SLC15A1: variants seen among roughly 807,000 people sequenced by gnomAD.
SLC15A1 encodes solute carrier family 15 member 1.
SLC15A1 carries 83 observed loss-of-function variants against 92.9 expected under a neutral mutation model. That is an observed-to-expected ratio of 0.89 (90% CI 0.75 to 1.07). The LOEUF is 1.07. Among genes scored for constraint, SLC15A1 ranks in the 50% least tolerant of loss-of-function variants. SLC15A1 has a pLI of 0.00. For synonymous variants in SLC15A1, 322 were observed against 318.2 expected, an observed-to-expected ratio of 1.01 and a Z score of -0.13; for missense variants, 857 against 880.1, an observed-to-expected ratio of 0.97 and a Z score of 0.33.
intron 4 of SLC15A1, among the ~76,000 whole-genome samples, chr13:98,725,324 C>A (rs2088289870): frequency 6.6e-6 from 1 of 152,206 alleles, no homozygotes; most frequent in Non-Finnish European, 1.5e-5. Flanking sequence ...GGAAGAGCCT[C>A]TACTTCCTTC....
chr13:98,693,670 C>T (rs994490442), intron 18 of SLC15A1, among the ~76,000 whole-genome samples: 3 of 152,126 alleles, frequency 2.0e-5, no homozygotes, highest in Non-Finnish European at 4.4e-5. Flanking sequence ...TGTGGGTTGT[C>T]CTTTCAATTC....
chr13:98,737,223 C>A (rs2088402058), intron 1 of SLC15A1, among the ~76,000 whole-genome samples: 1 of 152,196 alleles, frequency 6.6e-6, no homozygotes. Flanking sequence ...AGCCATCATT[C>A]TGAAGCATCT....
chr13:98,731,682 G>A (rs2088352021), intron 1 of SLC15A1, among the ~76,000 whole-genome samples: 1 of 152,134 alleles, frequency 6.6e-6, no homozygotes, highest in African/African-American at 2.4e-5. Context: ...ATTTTTATTT[G>A]CAGGGAAAGA....
chr13:98,693,586 T>C (rs1475162419), intron 18 of SLC15A1, among the ~76,000 whole-genome samples: 1 of 152,234 alleles, frequency 6.6e-6, no homozygotes, highest in African/African-American at 2.4e-5. Flanking sequence ...AGTACTGAGT[T>C]GTGAGAGTTC....
At chr13:98,732,802 G>GT (rs2088361333) in intron 1 of SLC15A1, among the ~76,000 whole-genome samples, 1 of 152,158 alleles carries the variant, frequency 6.6e-6, no homozygotes, top group South Asian at 2.1e-4. Context: ...AAGGAATACT[G>GT]TAAGTTTCAC....
At position 98,686,196 on chromosome 13, in the gene SLC15A1, G is replaced by A; in HGVS notation, c.1929C>T (p.Ser643=). ...VLIVAGAGQF[S]KQWAEYILFA... ...CTCCTCTCCCACGCCATACCTGTTT[G>A]CTGAACTGGCCTGCCCCTGCCACGA... The change falls in exon 22 of 23, where the codon AGC becomes AGT. Residue 643 remains serine, a synonymous_variant. Coordinates refer to ENST00000376503, the MANE Select transcript of SLC15A1 (RefSeq NM_005073.4). 6.2e-7 allele frequency: 1 copy of A among 1,612,294 alleles called. No individual in the cohort carries two copies. Among genetic ancestry groups the A allele is most frequent in the African/African-American group, 1.3e-5 (1 of 74,982 alleles).
In SLC15A1 at chr13:98,712,530, G is replaced by T. The variant is rs779077196; in HGVS notation, c.778C>A (p.His260Asn). 1.9e-5 allele frequency: 30 copies of T among 1,611,368 alleles called. No individual in the cohort carries two copies. In the Admixed American group the frequency reaches 4.2e-4, roughly 23 times the overall value. The change falls in exon 10 of 23, where the codon CAC becomes AAC. Residue 260 changes from histidine (H) to asparagine (N), a missense_variant. Physicochemically the swap from His to Asn is moderately conservative, Grantham distance 68. Coordinates refer to ENST00000376503, the MANE Select transcript of SLC15A1 (RefSeq NM_005073.4). ...TTCTCTTTAGCCCAGTCCAGCCAGT[G>T]CTCCCTCTTGGGAAATGCCTTACTC... is the stretch of plus-strand genomic sequence containing the variant. ...HRSKAFPKRE[H>N]WLDWAKEKYD... is the part of the protein sequence containing the mutation.
At chr13:98,718,229 C>T (rs865824186) in intron 8 of SLC15A1, among the ~76,000 whole-genome samples, 11 of 148,170 alleles carry the variant, frequency 7.4e-5, no homozygotes, top group Admixed American at 2.0e-4. Context: ...GTTATAGATA[C>T]GTACATGTTG....
chr13:98,739,530 T>C (rs1169476184), intron 1 of SLC15A1, among the ~76,000 whole-genome samples: 1 of 152,102 alleles, frequency 6.6e-6, no homozygotes, highest in Middle Eastern at 3.2e-3. Context: ...TGAGTTCTCA[T>C]GAGATCTGGT....
At chr13:98,747,477 C>T (rs1032541057) in intron 1 of SLC15A1, among the ~76,000 whole-genome samples, 2 of 152,158 alleles carry the variant, frequency 1.3e-5, no homozygotes, top group Non-Finnish European at 2.9e-5. Context: ...AGTAGCAGTC[C>T]CATTTTCTAG....
At chr13:98,727,100 A>G (rs1344409805) in intron 1 of SLC15A1, among the ~76,000 whole-genome samples, 1 of 152,234 alleles carries the variant, frequency 6.6e-6, no homozygotes, top group Non-Finnish European at 1.5e-5. Context: ...ATTGAGAAGC[A>G]GCAGCTCAGA....
At chr13:98,695,048 C>T (rs2088011179) in intron 18 of SLC15A1, among the ~76,000 whole-genome samples, 1 of 145,872 alleles carries the variant, frequency 6.9e-6, no homozygotes, top group South Asian at 2.2e-4. Context: ...AAAAGAGATG[C>T]ATATATCAAT....
Position 98,752,534 on chromosome 13 carries a change from GC to G in SLC15A1, c.4+60del. 6 of 1,261,172 alleles carry G rather than the reference GC, an allele frequency of 4.8e-6. No homozygotes were observed. In the South Asian group the frequency reaches 8.3e-5, roughly 17 times the overall value. The allele number at this position is 1,261,172 out of a possible 1,614,324, so 78.1% of individuals were successfully genotyped here. ...TCGCGCCTCCCGGCCCTCGGTGCCG[GC>G]CCCCGCCCCGCGTAGCTCCGAGTCT... On this transcript the variant is annotated intron_variant, in intron 1 of 22. Coordinates refer to ENST00000376503, the MANE Select transcript of SLC15A1 (RefSeq NM_005073.4).
intron 1 of SLC15A1, among the ~76,000 whole-genome samples, chr13:98,735,500 G>A (rs944571355): frequency 1.1e-4 from 17 of 152,194 alleles, no homozygotes; most frequent in Non-Finnish European, 2.4e-4. Context: ...AATCAGGCAA[G>A]AGAAAGAAAT....
chr13:98,718,298 A>ATTTT (rs2088226939), intron 8 of SLC15A1, among the ~76,000 whole-genome samples: 2 of 101,558 alleles, frequency 2.0e-5, no homozygotes, highest in African/African-American at 9.8e-5. Flanking sequence ...TATCACCTTC[A>ATTTT]TCTTTTTTTT....
chr13:98,751,114 AT>A (rs34373331), intron 1 of SLC15A1, among the ~76,000 whole-genome samples: 20,196 of 151,510 alleles, frequency 0.13, 1,798 homozygotes, highest in Non-Finnish European at 0.2. Context: ...CCATTAAACA[AT>A]TTTTTTTTCA....
At chr13:98,703,210 G>A (rs902457550) in intron 17 of SLC15A1, among the ~76,000 whole-genome samples, 18 of 149,634 alleles carry the variant, frequency 1.2e-4, no homozygotes, top group Middle Eastern at 3.4e-3. Context: ...AGGAAGGAAA[G>A]GAAGGAGAAA....
chr13:98,746,138 G>T (rs1257487960), intron 1 of SLC15A1, among the ~76,000 whole-genome samples: 1 of 152,122 alleles, frequency 6.6e-6, no homozygotes, highest in Admixed American at 6.6e-5. Flanking sequence ...TTGATTTTCT[G>T]TTCCTGTTAG....
At chr13:98,712,011 G>T in intron 10 of SLC15A1, 68 bp from the exon 11 acceptor site, 1 of 1,180,060 alleles carries the variant, frequency 8.5e-7, no homozygotes, top group Non-Finnish European at 1.3e-6. Flanking sequence ...CGGCTTACAG[G>T]TGCTGCTGAT....
Sources: allele counts gnomAD v4.1 joint callset (sites outside exome capture counted in the v4.1 genomes callset), GRCh38; gene constraint gnomAD v4.1.1; transcripts MANE v1.5; gene names NCBI Gene and HGNC (gene_info 2026-07-23, HGNC 2026-07-21).